Variants in KDM4C observed in about 807,000 individuals in gnomAD.
KDM4C encodes lysine-specific demethylase 4C.
Under a neutral mutation model 129.3 loss-of-function variants are expected in KDM4C, and 81 were observed. The observed-to-expected ratio is 0.63, with a 90% CI of 0.52 to 0.75. The LOEUF (loss-of-function observed/expected upper bound fraction) is 0.75. Among genes scored for constraint, KDM4C ranks in the 30% least tolerant of loss-of-function variants. The pLI is 0.00. For missense variants in KDM4C, 1,457 were observed against 1,304.0 expected (o/e 1.12, Z -1.81); for synonymous variants, 573 against 456.1 (o/e 1.26, Z -3.26).
At chr9:6,852,437 C>G (rs1462092325) in intron 5 of KDM4C, among the ~76,000 whole-genome samples, 1 of 152,136 alleles carries the variant, frequency 6.6e-6, no homozygotes, top group Admixed American at 6.5e-5. Flanking sequence ...CCAGAATGAC[C>G]TCCAGTCATT....
intron 18 of KDM4C, among the ~76,000 whole-genome samples, chr9:7,110,151 C>T (rs1838157340): frequency 6.6e-6 from 1 of 152,238 alleles, no homozygotes; most frequent in South Asian, 2.1e-4. Flanking sequence ...GTTTTTTTCG[C>T]AGTGGGAAAT....
intron 19 of KDM4C, among the ~76,000 whole-genome samples, chr9:7,153,940 G>GGGTGCT (rs772915967): frequency 1.1e-4 from 17 of 152,292 alleles, no homozygotes; most frequent in Non-Finnish European, 2.4e-4. Context: ...GTAGGCCTGT[G>GGGTGCT]GGTGCTGCTG....
intron 17 of KDM4C, among the ~76,000 whole-genome samples, chr9:7,074,405 G>T (rs1305653594): frequency 1.3e-5 from 2 of 151,894 alleles, no homozygotes; most frequent in Non-Finnish European, 2.9e-5. Flanking sequence ...GACCTCAAAT[G>T]ATCCACCCAC....
chr9:6,728,490 C>A (rs1195101263), intron 1 of KDM4C, among the ~76,000 whole-genome samples: 1 of 150,112 alleles, frequency 6.7e-6, no homozygotes, highest in Non-Finnish European at 1.5e-5. Flanking sequence ...ACTGAGATCA[C>A]GCCACTGCAC....
chr9:6,873,160 C>G (rs1410796328), intron 5 of KDM4C, among the ~76,000 whole-genome samples: 1 of 152,156 alleles, frequency 6.6e-6, no homozygotes, highest in Non-Finnish European at 1.5e-5. Context: ...CCATGCCTGG[C>G]TAATTTTTGT....
At chr9:6,988,005 T>A (rs971328121) in intron 11 of KDM4C, among the ~76,000 whole-genome samples, 5 of 148,198 alleles carry the variant, frequency 3.4e-5, no homozygotes, top group African/African-American at 7.4e-5. Context: ...AAAAAAAAAA[T>A]AAAAAAAAAT....
intron 12 of KDM4C, among the ~76,000 whole-genome samples, chr9:7,011,051 G>T (rs924024928): frequency 6.6e-6 from 1 of 151,440 alleles, no homozygotes; most frequent in Non-Finnish European, 1.5e-5. Flanking sequence ...TCTTAAAAAA[G>T]AAAAAAAGAA....
intron 19 of KDM4C, among the ~76,000 whole-genome samples, chr9:7,136,005 G>C (rs1841165775): frequency 6.6e-6 from 1 of 152,232 alleles, no homozygotes; most frequent in Non-Finnish European, 1.5e-5. Context: ...ACCCAGTGGA[G>C]GTTATTGACA....
rs140836578 is a variant in KDM4C at position 6,887,829 on chromosome 9, C to T, written c.680-131C>T. 1.3e-3 allele frequency: 772 copies of T among 586,416 alleles called. 7 individuals are homozygous for T. The highest frequency in any genetic ancestry group is 0.013 in the African/African-American group (676 of 51,868). The allele number at this position is 586,416 out of a possible 1,614,324, so 36.3% of individuals were successfully genotyped here. A position where few individuals can be genotyped will look rare whatever the true frequency, so the allele number is the denominator to read the frequency against. On this transcript the variant is annotated intron_variant, in intron 6 of 21. Transcript: ENST00000381309. The stretch of plus-strand genomic sequence containing the variant: ...CTGACTCTGAGTTTTAGTACAAGGG[C>T]TTTTTGGCAGAAGAGGTCCATACTT...
Position 6,933,380 on chromosome 9 carries a change from C to T in KDM4C, c.921+40148C>T, listed in dbSNP as rs139291895. Among the ~76,000 whole-genome samples the T allele has an allele frequency of 4.5e-3, 678 of 152,252 alleles. 2 individuals carry two copies. The highest frequency in any genetic ancestry group is 0.015 in the African/African-American group (610 of 41,534). ...ATAGATTTTAGCTATCTACTACATGCACTGCTTGGTGAGGGGGCATAACCA... is the reference window on the plus strand; with the variant it reads ...ATAGATTTTAGCTATCTACTACATGTACTGCTTGGTGAGGGGGCATAACCA... On this transcript the variant is annotated intron_variant, in intron 8 of 21. Transcript: ENST00000381309.
chr9:6,997,811 A>G (rs1278939449), intron 12 of KDM4C, among the ~76,000 whole-genome samples: 1 of 152,232 alleles, frequency 6.6e-6, no homozygotes, highest in African/African-American at 2.4e-5. Context: ...CTGAAATAGC[A>G]TGTGGTGACA....
intron 1 of KDM4C, among the ~76,000 whole-genome samples, chr9:6,743,774 T>C (rs1038089882): frequency 1.2e-4 from 18 of 152,142 alleles, no homozygotes; most frequent in Non-Finnish European, 2.6e-4. Context: ...CCCAAAGTGC[T>C]GGGATAACAG....
chr9:6,835,142 C>T (rs992952016), intron 4 of KDM4C: 4 of 975,878 alleles, frequency 4.1e-6, no homozygotes, highest in Non-Finnish European at 6.7e-6. Flanking sequence ...GCCATGGCGG[C>T]TTCCAGCTCC....
chr9:7,169,801 G>C lies in KDM4C; in HGVS notation c.2905G>C (p.Glu969Gln). 1 of 1,599,204 alleles carries C rather than the reference G, an allele frequency of 6.3e-7. No homozygotes were observed. Among genetic ancestry groups the C allele is most frequent in the South Asian group, 1.1e-5 (1 of 90,160 alleles). ...ATGTTATATTATCTTTCATTAGGTT[G>C]AGTTTGAAGATGGATCCCAGATAGC... Reference protein sequence around the residue: ...GSNIAHMYQVEFEDGSQIAMK... With the variant: ...GSNIAHMYQVQFEDGSQIAMK... Residue 969 changes from glutamate (E) to glutamine (Q), a missense_variant, in exon 21 of 22, where the codon GAG becomes CAG. By Grantham distance (29) the Glu-to-Gln change is conservative. Coordinates refer to ENST00000381309, the MANE Select transcript of KDM4C (RefSeq NM_015061.6).
chr9:6,814,796 T>C (rs1354959434), intron 4 of KDM4C, 51 bp downstream of exon 4: 1 of 1,183,246 alleles, frequency 8.5e-7, no homozygotes, highest in Non-Finnish European at 1.2e-6. Flanking sequence ...ATGTGACAGT[T>C]TTGTTACCAT....
chr9:7,124,033 G>T (rs892956242), intron 18 of KDM4C, among the ~76,000 whole-genome samples: 1 of 152,176 alleles, frequency 6.6e-6, no homozygotes, highest in Non-Finnish European at 1.5e-5. Flanking sequence ...CTGAGAGTCT[G>T]CTCCCAATGA....
chr9:6,985,068 C>T (rs818905), intron 10 of KDM4C, among the ~76,000 whole-genome samples: 23,705 of 152,170 alleles, frequency 0.16, 1,988 homozygotes, highest in Admixed American at 0.21. Flanking sequence ...TTCCCCCCTC[C>T]GCCAGAATCC....
rs1364590432 is a variant in KDM4C at position 6,849,686 on chromosome 9, A to G, written c.615A>G (p.Gly205=). The part of the protein sequence containing the change: ...DLYSINYLHF[G]EPKSWYAIPP... ...ATAGCATTAATTATCTCCACTTTGG[A>G]GAGCCCAAGTCTTGGCAAGTTACTT... Residue 205 remains glycine (G), a synonymous_variant, in exon 5 of 22, where the codon GGA becomes GGG. Coordinates refer to ENST00000381309, the MANE Select transcript of KDM4C (RefSeq NM_015061.6). The G allele has an allele frequency of 1.3e-6, 2 of 1,577,654 alleles. No individual in the cohort carries two copies. Among genetic ancestry groups the G allele is most frequent in the Admixed American group, 1.7e-5 (1 of 58,138 alleles).
chr9:7,115,207 T>A (rs1838762961), intron 18 of KDM4C, among the ~76,000 whole-genome samples: 1 of 152,218 alleles, frequency 6.6e-6, no homozygotes, highest in South Asian at 2.1e-4. Context: ...TTTATTTGGT[T>A]ATTTATTTAT....
Sources: allele counts gnomAD v4.1 joint callset (sites outside exome capture counted in the v4.1 genomes callset), GRCh38; gene constraint gnomAD v4.1.1; transcripts MANE v1.5; gene names NCBI Gene and HGNC (gene_info 2026-07-23, HGNC 2026-07-21).